The following JAKMIP3 variants were observed in gnomAD, a reference collection of about 807,000 sequenced individuals.
JAKMIP3 encodes the protein janus kinase and microtubule-interacting protein 3.
In JAKMIP3, 58 loss-of-function variants were observed where a neutral mutation model predicts 118.5. The observed-to-expected ratio is 0.49, with a 90% CI of 0.40 to 0.61. The LOEUF is 0.61. JAKMIP3 is among the 20% of genes least tolerant of loss of function. The pLI is 0.00. For synonymous variants in JAKMIP3, 486 were observed against 451.2 expected, an observed-to-expected ratio of 1.08 and a Z score of -0.98; for missense variants, 950 against 1,109.0, an observed-to-expected ratio of 0.86 and a Z score of 2.04.
At chr10:132,073,737 G>A (rs1252654709) in intron 1 of JAKMIP3, among the ~76,000 whole-genome samples, 1 of 151,960 alleles carries the variant, frequency 6.6e-6, no homozygotes, top group Non-Finnish European at 1.5e-5. Flanking sequence ...GGCTCAAGCA[G>A]TCCACTTGCC....
chr10:132,097,944 T>TTCCCCC (rs2044201096), intron 1 of JAKMIP3, among the ~76,000 whole-genome samples: 1 of 61,178 alleles, frequency 1.6e-5, no homozygotes, highest in Non-Finnish European at 3.4e-5. Flanking sequence ...CCCCTTTCCC[T>TTCCCCC]TTCCCATCCC....
intron 1 of JAKMIP3, among the ~76,000 whole-genome samples, chr10:132,047,239 A>G (rs1369813434): frequency 6.6e-6 from 1 of 152,172 alleles, no homozygotes; most frequent in Admixed American, 6.5e-5. Context: ...TGTTTGTCAG[A>G]AATTCTCATT....
rs756523934 is a variant in JAKMIP3 at position 132,138,122 on chromosome 10, C to G, written c.1288C>G (p.Arg430Gly). The change falls in exon 9 of 24, where the codon CGG (arginine) becomes GGG (glycine). Residue 430 changes from arginine to glycine, a missense_variant. Coordinates refer to ENST00000684848, the MANE Select transcript of JAKMIP3 (RefSeq NM_001323087.2). ...CCTCTTCAACTGGCTTCCGCAGGAG[C>G]GGGACAAGCTGTTAAGATTCCGGAA... is the stretch of plus-strand genomic sequence containing the variant. ...TAGYVKSVLE[R>G]DKLLRFRKQR... is the part of the protein sequence containing the mutation. The G allele has an allele frequency of 1.9e-6, 3 of 1,611,482 alleles. No homozygotes were observed. The highest frequency in any genetic ancestry group is 2.5e-6 in the Non-Finnish European group (3 of 1,178,848).
At chr10:132,089,042 G>C (rs969922753) in intron 1 of JAKMIP3, among the ~76,000 whole-genome samples, 6 of 151,988 alleles carry the variant, frequency 3.9e-5, no homozygotes, top group South Asian at 2.1e-4. Context: ...ATTTCTGAGG[G>C]CTCTGTTCTG....
chr10:132,135,483 G>C (rs76401402), intron 5 of JAKMIP3, among the ~76,000 whole-genome samples: 10,688 of 152,290 alleles, frequency 0.07, 908 homozygotes, highest in African/African-American at 0.2. Context: ...TAGCCACTGA[G>C]ATTTCCAGGT....
intron 17 of JAKMIP3, among the ~76,000 whole-genome samples, chr10:132,153,467 G>A (rs545263358): frequency 3.3e-5 from 5 of 152,108 alleles, no homozygotes; most frequent in African/African-American, 7.2e-5. Context: ...ACCCCTCCCC[G>A]CCTGTCCTGG....
chr10:132,177,081 C>A lies in JAKMIP3; in HGVS notation c.*1104-5276C>A, dbSNP rs550145698. On this transcript the variant is annotated intron_variant, in intron 23 of 23. Transcript: ENST00000684848. ...CTGACTTGAAACCATGAGTCCCCCTCCCCGCTTTATTGCTCTATTGTCTAA... is the reference window on the plus strand; with the variant it reads ...CTGACTTGAAACCATGAGTCCCCCTACCCGCTTTATTGCTCTATTGTCTAA... 6.6e-5 allele frequency among the ~76,000 whole-genome samples: 10 copies of A among 152,340 alleles called. No individual in the cohort carries two copies. In the East Asian group the frequency reaches 1.2e-3, roughly 18 times the overall value.
At chr10:132,090,614 C>G (rs572183095) in intron 1 of JAKMIP3, among the ~76,000 whole-genome samples, 2 of 152,288 alleles carry the variant, frequency 1.3e-5, no homozygotes, top group Admixed American at 1.3e-4. Flanking sequence ...CTTTATCAGT[C>G]TTGCTAGCAG....
At chr10:132,139,428 GTT>G (rs2052909385) in intron 9 of JAKMIP3, among the ~76,000 whole-genome samples, 1 of 98,588 alleles carries the variant, frequency 1.0e-5, no homozygotes, top group Non-Finnish European at 2.3e-5. Flanking sequence ...GTGTGTGTGT[GTT>G]TGTGTGTACA....
At chr10:132,128,700 A>G (rs1005011884) in intron 3 of JAKMIP3, among the ~76,000 whole-genome samples, 4 of 150,230 alleles carry the variant, frequency 2.7e-5, no homozygotes, top group Middle Eastern at 3.4e-3. Flanking sequence ...TGAATTTCTA[A>G]TTTTAGACCT....
At chr10:132,180,068 C>T (rs2060583932) in intron 23 of JAKMIP3, among the ~76,000 whole-genome samples, 1 of 152,196 alleles carries the variant, frequency 6.6e-6, no homozygotes, top group Non-Finnish European at 1.5e-5. Context: ...CACTAACATG[C>T]CAGGCCCTCA....
intron 23 of JAKMIP3, among the ~76,000 whole-genome samples, chr10:132,171,949 C>A (rs147368553): frequency 6.6e-6 from 1 of 152,114 alleles, no homozygotes; most frequent in Non-Finnish European, 1.5e-5. Context: ...CCCCTGCGCC[C>A]GGCCTGTCCC....
chr10:132,063,101 G>A (rs377622551), upstream of JAKMIP3, among the ~76,000 whole-genome samples: 1 of 152,144 alleles, frequency 6.6e-6, no homozygotes, highest in African/African-American at 2.4e-5. Context: ...CCTGGATTTG[G>A]GTGTGATCAT....
chr10:132,180,708 C>T (rs28583767), intron 23 of JAKMIP3, among the ~76,000 whole-genome samples: 985 of 12,718 alleles, frequency 0.077, 207 homozygotes, highest in East Asian at 0.55. Context: ...TGTGTGTGTG[C>T]GCGTGTGTGT....
At chr10:132,120,575 G>A (rs186605442) in intron 3 of JAKMIP3, among the ~76,000 whole-genome samples, 1 of 152,390 alleles carries the variant, frequency 6.6e-6, no homozygotes, top group East Asian at 1.9e-4. Context: ...AACCCAGGGA[G>A]TACTTGGCTC....
intron 1 of JAKMIP3, among the ~76,000 whole-genome samples, chr10:132,102,010 G>A (rs542437285): frequency 1.0e-5 from 1 of 100,180 alleles, no homozygotes; most frequent in East Asian, 3.9e-4. Flanking sequence ...GGGACCAGGA[G>A]TCACTAAAAG....
intron 19 of JAKMIP3, among the ~76,000 whole-genome samples, chr10:132,155,491 C>T (rs377368512): frequency 6.6e-5 from 10 of 152,186 alleles, no homozygotes; most frequent in African/African-American, 1.2e-4. Flanking sequence ...AGGGCTCAAA[C>T]GCAGAAGCCT....
At chr10:132,075,456 G>T (rs1164885648) in intron 1 of JAKMIP3, among the ~76,000 whole-genome samples, 1 of 136,072 alleles carries the variant, frequency 7.3e-6, no homozygotes, top group Non-Finnish European at 1.5e-5. Context: ...ACCCAGGCTG[G>T]AGTGCTGCAG....
At chr10:132,067,381 A>G (rs2038955379) in intron 1 of JAKMIP3, among the ~76,000 whole-genome samples, 1 of 152,012 alleles carries the variant, frequency 6.6e-6, no homozygotes, top group African/African-American at 2.4e-5. Flanking sequence ...GGCAGAGAAC[A>G]TGCACGGAGC....
Sources: allele counts gnomAD v4.1 joint callset (sites outside exome capture counted in the v4.1 genomes callset), GRCh38; gene constraint gnomAD v4.1.1; transcripts MANE v1.5; gene names NCBI Gene and HGNC (gene_info 2026-07-23, HGNC 2026-07-21).